BMP3: variants seen among roughly 807,000 people sequenced by gnomAD.
BMP3 encodes the protein bone morphogenetic protein 3 (osteogenic).
In BMP3, 23 loss-of-function variants were observed where a neutral mutation model predicts 38.1. The observed-to-expected ratio is 0.60, with a 90% CI of 0.43 to 0.86. The LOEUF is 0.86. Ranked by LOEUF, BMP3 falls within the 40% of genes least tolerant of loss-of-function variation. The pLI is 0.00. For missense variants in BMP3, 628 were observed against 579.6 expected (o/e 1.08, Z -0.86); for synonymous variants, 258 against 225.7 (o/e 1.14, Z -1.28).
intron 1 of BMP3, among the ~76,000 whole-genome samples, chr4:81,035,317 C>T (rs1274607217): frequency 1.3e-5 from 2 of 151,462 alleles, no homozygotes; most frequent in Non-Finnish European, 3.0e-5. Context: ...TTGAAGAGAC[C>T]AAGTGTTTCA....
chr4:81,039,909 C>T (rs1740025205), intron 1 of BMP3, among the ~76,000 whole-genome samples: 1 of 152,236 alleles, frequency 6.6e-6, no homozygotes, highest in Admixed American at 6.5e-5. Context: ...AGGATCCTAG[C>T]CAAGGAAATG....
chr4:81,054,954 C>T lies in BMP3; in HGVS notation c.*1418C>T, dbSNP rs916494983. The T allele has an allele frequency of 1.3e-5, 2 of 152,148 alleles. No homozygotes were observed. Among genetic ancestry groups the T allele is most frequent in the South Asian group, 2.1e-4 (1 of 4,832 alleles). 9.4% of individuals were successfully genotyped at this position (152,148 alleles called of 1,614,324 possible). On this transcript the variant is annotated 3_prime_UTR_variant, in exon 3 of 3. Coordinates refer to ENST00000282701, the MANE Select transcript of BMP3 (RefSeq NM_001201.5). ...TTGGAGGCTGTGCAGTATCAGAAGA[C>T]GTGGAGTTTGTTCTGTCTCTGCCTG...
In BMP3 at chr4:81,054,323, T is replaced by G. The variant is rs575538079; in HGVS notation, c.*787T>G. 1 of 152,746 alleles carries G rather than the reference T, an allele frequency of 6.5e-6. No individual in the cohort carries two copies. The highest frequency in any genetic ancestry group is 2.4e-5 in the African/African-American group (1 of 41,590). The allele number at this position is 152,746 out of a possible 1,614,324, so 9.5% of individuals were successfully genotyped here. On this transcript the variant is annotated 3_prime_UTR_variant, in exon 3 of 3. Coordinates refer to ENST00000282701, the MANE Select transcript of BMP3 (RefSeq NM_001201.5). ...AATTGCAAATACAGTTGTTTTCATT[T>G]CATTTCCTACCAGAAAAAGGAATCA...
In BMP3 at chr4:81,056,652, A is replaced by T. The variant is rs758997688; in HGVS notation, c.*3116A>T. 1 of 152,668 alleles carries T rather than the reference A, an allele frequency of 6.6e-6. No homozygotes were observed. Among genetic ancestry groups the T allele is most frequent in the Non-Finnish European group, 1.5e-5 (1 of 68,038 alleles). The allele number at this position is 152,668 out of a possible 1,614,324, so 9.5% of individuals were successfully genotyped here. A position where few individuals can be genotyped will look rare whatever the true frequency, so the allele number is the denominator to read the frequency against. On this transcript the variant is annotated 3_prime_UTR_variant, in exon 3 of 3. Coordinates refer to ENST00000282701, the MANE Select transcript of BMP3 (RefSeq NM_001201.5). ...TACAATTTACAGGATTTGGGATTGT[A>T]GAACTTAAACTGGAAGACTGGATTC...
intron 1 of BMP3, among the ~76,000 whole-genome samples, chr4:81,039,642 T>A (rs1000693240): frequency 6.6e-6 from 1 of 152,214 alleles, no homozygotes; most frequent in Non-Finnish European, 1.5e-5. Context: ...TATATAATAA[T>A]CAAACTCCTT....
chr4:81,042,975 T>C (rs996516145), intron 1 of BMP3, among the ~76,000 whole-genome samples: 1 of 152,230 alleles, frequency 6.6e-6, no homozygotes, highest in Non-Finnish European at 1.5e-5. Context: ...ATTATACAAA[T>C]GTGCACCAAT....
At chr4:81,048,575 T>G (rs1220899330) in intron 2 of BMP3, among the ~76,000 whole-genome samples, 1 of 152,198 alleles carries the variant, frequency 6.6e-6, no homozygotes, top group African/African-American at 2.4e-5. Context: ...ACTTCCAATT[T>G]GTCCCTCTCA....
At position 81,031,184 on chromosome 4, in the gene BMP3, C is replaced by G; in HGVS notation, c.-101C>G. 1.5e-6 allele frequency: 2 copies of G among 1,290,830 alleles called. No homozygotes were observed. The highest frequency in any genetic ancestry group is 2.1e-6 in the Non-Finnish European group (2 of 962,334). 80.0% of individuals were successfully genotyped at this position (1,290,830 alleles called of 1,614,324 possible). On this transcript the variant is annotated 5_prime_UTR_variant, in exon 1 of 3. Coordinates refer to ENST00000282701, the MANE Select transcript of BMP3 (RefSeq NM_001201.5). ...CGGGCTCCGTGCGCCCTCGCCCCAG[C>G]TGGTTTGGAGTTCAACCCTCGGCTC...
intron 1 of BMP3, among the ~76,000 whole-genome samples, chr4:81,040,635 C>T (rs1267433342): frequency 6.6e-6 from 1 of 152,008 alleles, no homozygotes; most frequent in Non-Finnish European, 1.5e-5. Context: ...CTTATTTATT[C>T]AACTCAAATC....
At chr4:81,051,852 T>G (rs1300182003) in intron 2 of BMP3, among the ~76,000 whole-genome samples, 1 of 151,542 alleles carries the variant, frequency 6.6e-6, no homozygotes, top group Non-Finnish European at 1.5e-5. Context: ...GAAAAAAAAG[T>G]AAGAACAGTT....
intron 2 of BMP3, among the ~76,000 whole-genome samples, chr4:81,051,063 T>C (rs1281597192): frequency 2.6e-5 from 4 of 151,826 alleles, no homozygotes; most frequent in Non-Finnish European, 1.5e-5. Context: ...GAGAGGTTCC[T>C]GATAAGATAC....
Position 81,053,539 on chromosome 4 carries a change from T to A in BMP3, c.*3T>A, listed in dbSNP as rs530695825. On this transcript the variant is annotated 3_prime_UTR_variant, in exon 3 of 3. Coordinates refer to ENST00000282701, the MANE Select transcript of BMP3 (RefSeq NM_001201.5). The stretch of plus-strand genomic sequence containing the variant: ...TAGAGTCTTGCGCTTGCAGATAACC[T>A]GGCAAAGAACTCATTTGAATGCTTA... 4 of 1,453,576 alleles carry A rather than the reference T, an allele frequency of 2.8e-6. No homozygotes were observed. In the African/African-American group the frequency reaches 4.4e-5, roughly 16 times the overall value. The allele number at this position is 1,453,576 out of a possible 1,614,324, so 90.0% of individuals were successfully genotyped here.
At position 81,055,855 on chromosome 4, in the gene BMP3, A is replaced by C. The variant is rs1214210007; in HGVS notation, c.*2319A>C. On this transcript the variant is annotated 3_prime_UTR_variant, in exon 3 of 3. Coordinates refer to ENST00000282701, the MANE Select transcript of BMP3 (RefSeq NM_001201.5). ...TTTAAGTAGCAATTGATATAAAATT[A>C]CAACACAATGAAAGAACTTGGGTAA... 6.6e-6 allele frequency: 1 copy of C among 152,228 alleles called. No individual in the cohort carries two copies. The highest frequency in any genetic ancestry group is 1.5e-5 in the Non-Finnish European group (1 of 68,036). 9.4% of individuals were successfully genotyped at this position (152,228 alleles called of 1,614,324 possible).
Position 81,031,248 on chromosome 4 carries a change from G to T in BMP3, c.-37G>T. On this transcript the variant is annotated 5_prime_UTR_variant, in exon 1 of 3. Coordinates refer to ENST00000282701, the MANE Select transcript of BMP3 (RefSeq NM_001201.5). ...TTGCGCCTTCGGAGTGTCCCGCAGCGACGCCGGGAGCCGACGCGCCGCGCG... is the reference window on the plus strand; with the variant it reads ...TTGCGCCTTCGGAGTGTCCCGCAGCTACGCCGGGAGCCGACGCGCCGCGCG... 1 of 1,537,394 alleles carries T rather than the reference G, an allele frequency of 6.5e-7. No individual in the cohort carries two copies. Among genetic ancestry groups the T allele is most frequent in the East Asian group, 2.4e-5 (1 of 42,086 alleles).
At chr4:81,045,277 A>G (rs1033983846) in intron 1 of BMP3, among the ~76,000 whole-genome samples, 50 of 152,058 alleles carry the variant, frequency 3.3e-4, no homozygotes, top group African/African-American at 1.1e-3. Flanking sequence ...ATGTCTATTC[A>G]AGGCATTTTC....
chr4:81,034,906 A>G (rs533552076), intron 1 of BMP3, among the ~76,000 whole-genome samples: 2 of 152,160 alleles, frequency 1.3e-5, no homozygotes, highest in African/African-American at 4.8e-5. Flanking sequence ...CATTCCTTCA[A>G]AATATATGGA....
Position 81,046,405 on chromosome 4 carries a change from C to T in BMP3, c.984C>T (p.Ala328=), listed in dbSNP as rs1021330543. 1 of 1,613,710 alleles carries T rather than the reference C, an allele frequency of 6.2e-7. No homozygotes were observed. Among genetic ancestry groups the T allele is most frequent in the Non-Finnish European group, 8.5e-7 (1 of 1,179,950 alleles). Reference sequence around the variant, plus strand: ...CTTACAAGACCCTTCAGGCTCAGGCCCCTGAAAAGAGTAAGAATAAAAAGA... The same window carrying T: ...CTTACAAGACCCTTCAGGCTCAGGCTCCTGAAAAGAGTAAGAATAAAAAGA... ...RKPYKTLQAQ[A]PEKSKNKKKQ... Residue 328 remains alanine, a synonymous_variant, in exon 2 of 3, where the codon GCC becomes GCT. Coordinates refer to ENST00000282701, the MANE Select transcript of BMP3 (RefSeq NM_001201.5).
chr4:81,043,690 C>T (rs966017581), intron 1 of BMP3, among the ~76,000 whole-genome samples: 4 of 151,106 alleles, frequency 2.6e-5, no homozygotes, highest in Admixed American at 1.3e-4. Flanking sequence ...CAGACTCAAG[C>T]GATTCTCCTG....
At position 81,031,204 on chromosome 4, in the gene BMP3, C is replaced by T. The variant is rs1283539633; in HGVS notation, c.-81C>T. On this transcript the variant is annotated 5_prime_UTR_variant, in exon 1 of 3. Coordinates refer to ENST00000282701, the MANE Select transcript of BMP3 (RefSeq NM_001201.5). ...CCCAGCTGGTTTGGAGTTCAACCCT[C>T]GGCTCCGCCGCCGGCTCCTTGCGCC... 7.0e-7 allele frequency: 1 copy of T among 1,424,560 alleles called. No homozygotes were observed. The highest frequency in any genetic ancestry group is 1.4e-5 in the African/African-American group (1 of 69,396). The allele number at this position is 1,424,560 out of a possible 1,614,324, so 88.2% of individuals were successfully genotyped here.
Sources: allele counts gnomAD v4.1 joint callset (sites outside exome capture counted in the v4.1 genomes callset), GRCh38; gene constraint gnomAD v4.1.1; transcripts MANE v1.5; gene names NCBI Gene and HGNC (gene_info 2026-07-23, HGNC 2026-07-21).